The following ZNF365 variants were observed in gnomAD, a reference collection of about 807,000 sequenced individuals.
The protein encoded by ZNF365 is zinc finger protein 365, also known as protein ZNF365.
ZNF365 carries 22 observed loss-of-function variants against 35.0 expected under a neutral mutation model. The ratio of observed to expected loss-of-function variants is 0.63; its 90% CI spans 0.45 to 0.90. The LOEUF is 0.90. Ranked by LOEUF, ZNF365 falls within the 40% of genes least tolerant of loss-of-function variation. The pLI is 0.00. For synonymous variants in ZNF365, 188 were observed against 196.2 expected (o/e 0.96, Z 0.35); for missense variants, 448 against 500.3 (o/e 0.90, Z 1.00).
intron 3 of ZNF365, among the ~76,000 whole-genome samples, chr10:62,455,269 G>A (rs1035125357): frequency 6.6e-6 from 1 of 152,170 alleles, no homozygotes; most frequent in African/African-American, 2.4e-5. Context: ...GGAGGATTTT[G>A]TAATAGCCCA....
intron 3 of ZNF365, among the ~76,000 whole-genome samples, chr10:62,409,585 G>GT (rs537716916): frequency 3.5e-4 from 53 of 152,164 alleles, no homozygotes; most frequent in Admixed American, 2.7e-3. Context: ...GCACAAAAGG[G>GT]TTTTTTTGTA....
intron 3 of ZNF365, among the ~76,000 whole-genome samples, chr10:62,420,712 G>A (rs1052039171): frequency 7.2e-5 from 11 of 152,074 alleles, no homozygotes; most frequent in African/African-American, 9.7e-5. Context: ...ATTTTCTGTC[G>A]TCTGGACATT....
At chr10:62,433,016 C>T (rs865875358) in intron 3 of ZNF365, among the ~76,000 whole-genome samples, 2 of 152,108 alleles carry the variant, frequency 1.3e-5, no homozygotes, top group Non-Finnish European at 2.9e-5. Flanking sequence ...AAAACCACTC[C>T]ACACTTTGGG....
intron 3 of ZNF365, among the ~76,000 whole-genome samples, chr10:62,434,963 C>T (rs371098043): frequency 3.3e-5 from 5 of 152,152 alleles, no homozygotes; most frequent in East Asian, 1.9e-4. Flanking sequence ...TTCAGACCCT[C>T]TGGATACAGC....
intron 3 of ZNF365, among the ~76,000 whole-genome samples, chr10:62,444,395 C>T (rs370417328): frequency 1.6e-4 from 25 of 152,136 alleles, no homozygotes; most frequent in Admixed American, 1.5e-3. Context: ...GAAGTAGCTG[C>T]GCTCAATTAC....
chr10:62,394,455 G>T (rs1302068685), intron 3 of ZNF365, among the ~76,000 whole-genome samples: 1 of 152,184 alleles, frequency 6.6e-6, no homozygotes, highest in Non-Finnish European at 1.5e-5. Flanking sequence ...GTAGCAACCT[G>T]CAGGACATAA....
intron 4 of ZNF365, among the ~76,000 whole-genome samples, chr10:62,462,925 A>T (rs1431973828): frequency 5.9e-5 from 9 of 152,234 alleles, no homozygotes; most frequent in Non-Finnish European, 1.5e-5. Context: ...GATATGTCCC[A>T]TGAAAATACA....
At position 62,474,252 on chromosome 10, in the gene ZNF365, G is replaced by C. The variant is rs920046310; in HGVS notation, c.982-5624G>C. On this transcript the variant is annotated intron_variant, in intron 4 of 4. Transcript: ENST00000395255. ...GAAAGATATGGCCATCCAGAGCAGGGCACACAAAATCAGGACTCTCTTAGC... is the reference window on the plus strand; with the variant it reads ...GAAAGATATGGCCATCCAGAGCAGGCCACACAAAATCAGGACTCTCTTAGC... 2.0e-5 allele frequency among the ~76,000 whole-genome samples: 3 copies of C among 152,150 alleles called. No individual in the cohort carries two copies. The East Asian group carries it at 5.8e-4, about 29-fold the overall frequency.
At position 62,398,690 on chromosome 10, in the gene ZNF365, A is replaced by G. The variant is rs202056783; in HGVS notation, c.925-50A>G. 2.0e-4 allele frequency: 321 copies of G among 1,566,250 alleles called. 5 individuals are homozygous for G. The East Asian group carries it at 3.1e-3, about 15-fold the overall frequency. On this transcript the variant is annotated intron_variant, in intron 3 of 4. Transcript: ENST00000395254. ...GTATAAGAAATATTTTAAAAACCAA[A>G]TCCAGTCCTCAAATGCAGTTAACAT...
chr10:62,465,149 G>A (rs548499508), intron 4 of ZNF365, among the ~76,000 whole-genome samples: 7 of 152,328 alleles, frequency 4.6e-5, no homozygotes, highest in African/African-American at 9.6e-5. Context: ...TCCTGCTCCC[G>A]GAGCCCACTT....
At chr10:62,449,482 C>A (rs1316744558) in intron 3 of ZNF365, among the ~76,000 whole-genome samples, 1 of 152,170 alleles carries the variant, frequency 6.6e-6, no homozygotes, top group Non-Finnish European at 1.5e-5. Context: ...CAATACAAAT[C>A]TTACAATCTG....
In ZNF365 at chr10:62,401,388, A is replaced by G. The variant is rs1191574379; in HGVS notation, c.*1599A>G. The G allele has an allele frequency of 1.0e-6, 1 of 985,460 alleles. No individual in the cohort carries two copies. Among genetic ancestry groups the G allele is most frequent in the Non-Finnish European group, 1.2e-6 (1 of 829,932 alleles). The allele number at this position is 985,460 out of a possible 1,614,324, so 61.0% of individuals were successfully genotyped here. ...ATAGGAAATAAAGCAGTTGCTTAAA[A>G]TGCCAGTCAATTGAAAAGTGTAACT... is the stretch of plus-strand genomic sequence containing the variant. On this transcript the variant is annotated 3_prime_UTR_variant, in exon 5 of 5. Coordinates refer to ENST00000395254, the MANE Select transcript of ZNF365 (RefSeq NM_014951.3).
intron 3 of ZNF365, among the ~76,000 whole-genome samples, chr10:62,426,953 A>C (rs544395663): frequency 1.7e-4 from 26 of 152,272 alleles, no homozygotes; most frequent in African/African-American, 5.1e-4. Flanking sequence ...CAAGGTTTGT[A>C]AAATGTCAAG....
chr10:62,398,599 G>A, intron 3 of ZNF365, 141 bp from the exon 4 acceptor site: 2 of 685,998 alleles, frequency 2.9e-6, no homozygotes, highest in Non-Finnish European at 5.0e-6. Flanking sequence ...TGCAATGGAT[G>A]GTGCTGCAGG....
chr10:62,400,513 C>A lies in ZNF365; in HGVS notation c.*724C>A. On this transcript the variant is annotated 3_prime_UTR_variant, in exon 5 of 5. Coordinates refer to ENST00000395254, the MANE Select transcript of ZNF365 (RefSeq NM_014951.3). ...TATTCTGCACCCACAGACCATGCTG[C>A]CAGCCTCTATCTTAATAGCTGCTTC... 1.0e-6 allele frequency: 1 copy of A among 985,978 alleles called. No homozygotes were observed. Among genetic ancestry groups the A allele is most frequent in the Non-Finnish European group, 1.2e-6 (1 of 829,936 alleles). The allele number at this position is 985,978 out of a possible 1,614,324, so 61.1% of individuals were successfully genotyped here.
chr10:62,392,281 G>T (rs1248532712), intron 3 of ZNF365, among the ~76,000 whole-genome samples: 1 of 152,128 alleles, frequency 6.6e-6, no homozygotes, highest in African/African-American at 2.4e-5. Flanking sequence ...TGTTGCATTT[G>T]CTTTTGGGTT....
intron 4 of ZNF365, among the ~76,000 whole-genome samples, chr10:62,477,639 AC>A (rs1841155166): frequency 6.6e-6 from 1 of 152,192 alleles, no homozygotes; most frequent in Non-Finnish European, 1.5e-5. Context: ...GTGGCTTCCA[AC>A]ATCAAAAGCT....
intron 3 of ZNF365, among the ~76,000 whole-genome samples, chr10:62,440,371 A>G (rs1315367462): frequency 1.8e-5 from 2 of 113,030 alleles, no homozygotes; most frequent in African/African-American, 2.9e-5. Context: ...CTAGTACCTA[A>G]TAGTTATCTT....
At chr10:62,396,856 C>T (rs1023473376) in intron 3 of ZNF365, among the ~76,000 whole-genome samples, 3 of 151,716 alleles carry the variant, frequency 2.0e-5, no homozygotes, top group African/African-American at 4.8e-5. Context: ...TACATACAAA[C>T]GGTAAAGTGA....
Sources: gnomAD v4.1 joint callset for allele counts (sites outside exome capture counted in the v4.1 genomes callset) on GRCh38, gnomAD v4.1.1 for gene constraint, MANE v1.5 for transcripts, NCBI Gene and HGNC (gene_info 2026-07-23, HGNC 2026-07-21) for gene names.